CPNE4: variants seen among roughly 807,000 people sequenced by gnomAD.
The protein encoded by CPNE4 is copine-4.
Under a neutral mutation model 67.9 loss-of-function variants are expected in CPNE4, and 25 were observed. The ratio of observed to expected loss-of-function variants is 0.37; its 90% confidence interval spans 0.27 to 0.51. CPNE4 has a LOEUF of 0.51. Among genes scored for constraint, CPNE4 ranks in the 20% least tolerant of loss-of-function variants. The pLI is 0.93. For missense variants in CPNE4, 464 were observed against 690.8 expected, an observed-to-expected ratio of 0.67 and a Z score of 3.68; for synonymous variants, 242 against 244.9, an observed-to-expected ratio of 0.99 and a Z score of 0.11.
At chr3:131,765,507 C>A (rs904828459) in intron 2 of CPNE4, among the ~76,000 whole-genome samples, 4 of 152,076 alleles carry the variant, frequency 2.6e-5, no homozygotes. Context: ...AGTTCTCTGT[C>A]TTGTAAAACC....
intron 1 of CPNE4, among the ~76,000 whole-genome samples, chr3:131,949,434 A>G (rs1412597019): frequency 6.6e-6 from 1 of 152,226 alleles, no homozygotes; most frequent in Admixed American, 6.5e-5. Flanking sequence ...CAAGATTCCA[A>G]TTAAAATACT....
intron 1 of CPNE4, among the ~76,000 whole-genome samples, chr3:131,956,828 T>C (rs1010940336): frequency 1.2e-4 from 19 of 152,150 alleles, no homozygotes; most frequent in African/African-American, 4.6e-4. Context: ...CTTAATTTTG[T>C]TTTAGAATGG....
intron 2 of CPNE4, among the ~76,000 whole-genome samples, chr3:131,787,711 T>C (rs1410826267): frequency 6.6e-6 from 1 of 152,172 alleles, no homozygotes; most frequent in Non-Finnish European, 1.5e-5. Context: ...ATTACCAAGA[T>C]GTCTGCCTTC....
At chr3:131,871,628 C>T (rs1025429407) in intron 2 of CPNE4, among the ~76,000 whole-genome samples, 1 of 152,150 alleles carries the variant, frequency 6.6e-6, no homozygotes, top group Non-Finnish European at 1.5e-5. Context: ...AAATAACATA[C>T]CCTCATTTCT....
intron 2 of CPNE4, among the ~76,000 whole-genome samples, chr3:131,869,229 G>A (rs1000798911): frequency 5.9e-5 from 9 of 152,066 alleles, no homozygotes; most frequent in African/African-American, 2.2e-4. Flanking sequence ...TGAAGGGATG[G>A]GGAACTCAAC....
intron 7 of CPNE4, among the ~76,000 whole-genome samples, chr3:131,642,600 T>G (rs1390489021): frequency 6.6e-6 from 1 of 152,170 alleles, no homozygotes; most frequent in Non-Finnish European, 1.5e-5. Flanking sequence ...AATCCCCACA[T>G]GTCATGGGAA....
At chr3:131,951,568 C>T (rs897944824) in intron 1 of CPNE4, among the ~76,000 whole-genome samples, 1 of 149,314 alleles carries the variant, frequency 6.7e-6, no homozygotes, top group Non-Finnish European at 1.5e-5. Context: ...TCTCTTTCCA[C>T]GGTCTCCCTC....
intron 15 of CPNE4, among the ~76,000 whole-genome samples, chr3:131,535,938 A>G (rs1270562005): frequency 6.6e-6 from 1 of 152,218 alleles, no homozygotes; most frequent in Non-Finnish European, 1.5e-5. Flanking sequence ...GGGCATAAAA[A>G]ACATAGAGAC....
At chr3:131,641,029 G>C (rs991984427) in intron 7 of CPNE4, among the ~76,000 whole-genome samples, 1 of 152,090 alleles carries the variant, frequency 6.6e-6, no homozygotes, top group African/African-American at 2.4e-5. Context: ...AGATGGATCA[G>C]AGACTTAAAA....
At chr3:131,741,950 T>C (rs10934976) in intron 2 of CPNE4, among the ~76,000 whole-genome samples, 44,276 of 152,080 alleles carry the variant, frequency 0.29, 6,529 homozygotes, top group Middle Eastern at 0.32. Flanking sequence ...ATCTTTGCCC[T>C]CTATCCCTTC....
intron 1 of CPNE4, among the ~76,000 whole-genome samples, chr3:131,974,502 T>C (rs2072592083): frequency 6.6e-6 from 1 of 152,140 alleles, no homozygotes; most frequent in African/African-American, 2.4e-5. Context: ...TGTCTGGAAG[T>C]AAATTCAGCT....
Position 131,562,763 on chromosome 3 carries a change from C to G in CPNE4, c.1061+1453G>C, listed in dbSNP as rs900747678. Among the ~76,000 whole-genome samples, 4 of 152,026 alleles carry G rather than the reference C, an allele frequency of 2.6e-5. No homozygotes were observed. The East Asian group carries it at 7.8e-4, about 29-fold the overall frequency. On this transcript the variant is annotated intron_variant, in intron 11 of 15. Transcript: ENST00000429747. The stretch of plus-strand genomic sequence containing the variant: ...TGATATAAACCTCTCTAGGAACCCC[C>G]TCACCCACTGCCTGCATTGGGGCTT...
chr3:131,633,679 C>T (rs2079296001), intron 7 of CPNE4, among the ~76,000 whole-genome samples: 1 of 151,422 alleles, frequency 6.6e-6, no homozygotes, highest in South Asian at 2.1e-4. Flanking sequence ...AGTGAGCCAT[C>T]AATGAAAATT....
intron 7 of CPNE4, among the ~76,000 whole-genome samples, chr3:131,667,765 A>G (rs2080302322): frequency 6.6e-6 from 1 of 152,116 alleles, no homozygotes; most frequent in African/African-American, 2.4e-5. Context: ...AGAAAGCCAC[A>G]AAGTGTTCCT....
chr3:131,720,886 C>A (rs1233826409), intron 3 of CPNE4, among the ~76,000 whole-genome samples: 1 of 152,176 alleles, frequency 6.6e-6, no homozygotes, highest in African/African-American at 2.4e-5. Flanking sequence ...ATATGCCAAA[C>A]TCCTTCCTGA....
intron 1 of CPNE4, among the ~76,000 whole-genome samples, chr3:131,938,043 G>A (rs1296017782): frequency 6.6e-6 from 1 of 152,060 alleles, no homozygotes; most frequent in Non-Finnish European, 1.5e-5. Context: ...AGAAAGAGCT[G>A]AATTGTAAAA....
rs756997599 is a variant in CPNE4, at chr3:131,537,283, G to GTTT, written c.1540-1957_1540-1955dup. ...AAGACTTGTACATTTTTTCTTTTCT[G>GTTT]TTTTTTTTTTTTTTTTTTGAGATGG... On this transcript the variant is annotated intron_variant, in intron 15 of 15. Transcript: ENST00000429747. 7.4e-4 allele frequency among the ~76,000 whole-genome samples: 92 copies of GTTT among 123,836 alleles called. 2 individuals carry two copies. Among genetic ancestry groups the GTTT allele is most frequent in the East Asian group, 2.7e-3 (12 of 4,452 alleles). The allele number at this position is 123,836 out of a possible 152,430, so 81.2% of individuals were successfully genotyped here. A position where few individuals can be genotyped will look rare whatever the true frequency, so the allele number is the denominator to read the frequency against.
intron 3 of CPNE4, among the ~76,000 whole-genome samples, chr3:131,717,367 A>T (rs1184792645): frequency 2.0e-5 from 3 of 152,116 alleles, no homozygotes; most frequent in Non-Finnish European, 4.4e-5. Flanking sequence ...CGTTCAAAAA[A>T]TTTCCTTTCA....
At chr3:131,704,946 G>C (rs1483668199) in intron 3 of CPNE4, among the ~76,000 whole-genome samples, 3 of 152,004 alleles carry the variant, frequency 2.0e-5, no homozygotes, top group Non-Finnish European at 2.9e-5. Context: ...AGGTCATAAG[G>C]GTAGGGCCCC....
Sources: allele counts gnomAD v4.1 joint callset (sites outside exome capture counted in the v4.1 genomes callset), GRCh38; gene constraint gnomAD v4.1.1; transcripts MANE v1.5; gene names NCBI Gene and HGNC (gene_info 2026-07-23, HGNC 2026-07-21).